Variants in MGMT observed in about 807,000 individuals in gnomAD.
MGMT encodes the protein methylated-DNA--protein-cysteine methyltransferase.
A neutral mutation model predicts 15.9 loss-of-function variants in MGMT; 14 were observed. That is an observed-to-expected ratio of 0.88 (90% CI 0.58 to 1.37). The LOEUF (loss-of-function observed/expected upper bound fraction) is 1.37. Ranked by LOEUF, MGMT falls within the 40% of genes most tolerant of loss-of-function variation. MGMT has a pLI of 0.00. For synonymous variants in MGMT, 130 were observed against 118.2 expected, an observed-to-expected ratio of 1.10 and a Z score of -0.65; for missense variants, 282 against 268.1, an observed-to-expected ratio of 1.05 and a Z score of -0.36.
intron 2 of MGMT, among the ~76,000 whole-genome samples, chr10:129,643,565 G>A (rs550611850): frequency 2.0e-5 from 3 of 152,228 alleles, no homozygotes; most frequent in East Asian, 1.9e-4. Context: ...CCAGCGGGGC[G>A]GGACAAGGAC....
In MGMT at chr10:129,492,331, C is replaced by T. The variant is rs140114109; in HGVS notation, c.-13+25035C>T. Among the ~76,000 whole-genome samples, 56 of 152,308 alleles carry T rather than the reference C, an allele frequency of 3.7e-4. No homozygotes were observed. In the East Asian group the frequency reaches 8.5e-3, roughly 23 times the overall value. On this transcript the variant is annotated intron_variant, in intron 1 of 4. Transcript: ENST00000651593. ...TTGAGCTGAGCTCTTTAGCTTCCCA[C>T]GTCCCCTGTTTCAAAGTCTCCTAAA...
At chr10:129,542,571 C>T (rs746393378) in intron 2 of MGMT, among the ~76,000 whole-genome samples, 6 of 152,120 alleles carry the variant, frequency 3.9e-5, no homozygotes, top group East Asian at 1.9e-4. Flanking sequence ...GCGGCAAGTT[C>T]GGCTGTCTCA....
At chr10:129,531,440 CT>C (rs1187338007) in intron 1 of MGMT, among the ~76,000 whole-genome samples, 15 of 152,162 alleles carry the variant, frequency 9.9e-5, no homozygotes, top group Admixed American at 9.2e-4. Context: ...TGATTTCTGC[CT>C]TTTGTGGGTC....
intron 1 of MGMT, among the ~76,000 whole-genome samples, chr10:129,530,899 C>T (rs937068999): frequency 6.6e-6 from 1 of 152,170 alleles, no homozygotes; most frequent in African/African-American, 2.4e-5. Context: ...GTGTCAGTTT[C>T]TCCATAAGCT....
At chr10:129,698,890 G>T (rs1848063048) in intron 2 of MGMT, among the ~76,000 whole-genome samples, 2 of 152,200 alleles carry the variant, frequency 1.3e-5, no homozygotes, top group African/African-American at 4.8e-5. Context: ...TTAATCAACA[G>T]TCAGGCACCG....
intron 2 of MGMT, among the ~76,000 whole-genome samples, chr10:129,667,198 T>G (rs1442492636): frequency 6.6e-6 from 1 of 152,166 alleles, no homozygotes; most frequent in Non-Finnish European, 1.5e-5. Context: ...TGCCACGTGT[T>G]TCTTCCCATC....
chr10:129,714,150 G>A (rs11016886), intron 3 of MGMT, among the ~76,000 whole-genome samples: 7,086 of 152,316 alleles, frequency 0.047, 218 homozygotes, highest in Non-Finnish European at 0.071. Flanking sequence ...TGGTTTGCCC[G>A]GGCTTTGCCT....
intron 4 of MGMT, among the ~76,000 whole-genome samples, chr10:129,765,738 G>A (rs1245539269): frequency 6.6e-6 from 1 of 152,162 alleles, no homozygotes; most frequent in Non-Finnish European, 1.5e-5. Flanking sequence ...GTCACCTGCA[G>A]GAGCCCTAAC....
chr10:129,474,353 G>T (rs189471509), intron 1 of MGMT, among the ~76,000 whole-genome samples: 3 of 152,344 alleles, frequency 2.0e-5, no homozygotes, highest in Non-Finnish European at 4.4e-5. Context: ...GTTCCAGGAG[G>T]TATAGCTGGG....
chr10:129,522,338 C>T (rs1845820548), intron 1 of MGMT, among the ~76,000 whole-genome samples: 1 of 152,198 alleles, frequency 6.6e-6, no homozygotes, highest in African/African-American at 2.4e-5. Context: ...ATGCCTTTGC[C>T]TCAGGTGGCC....
chr10:129,706,149 G>A (rs1483282422), intron 2 of MGMT, among the ~76,000 whole-genome samples: 1 of 152,190 alleles, frequency 6.6e-6, no homozygotes, highest in Non-Finnish European at 1.5e-5. Flanking sequence ...GCCCTGACAC[G>A]CACAGTCCTT....
chr10:129,633,317 C>T (rs903535426), intron 2 of MGMT, among the ~76,000 whole-genome samples: 6 of 152,162 alleles, frequency 3.9e-5, no homozygotes, highest in East Asian at 1.9e-4. Flanking sequence ...CTCACCAAAC[C>T]GAGTCAGCAT....
chr10:129,710,905 CT>C (rs1258203977), intron 3 of MGMT, among the ~76,000 whole-genome samples: 3 of 152,206 alleles, frequency 2.0e-5, no homozygotes, highest in African/African-American at 7.2e-5. Flanking sequence ...GTTTAACATA[CT>C]TTTGCATATC....
chr10:129,501,898 T>C (rs1015207549), intron 1 of MGMT, among the ~76,000 whole-genome samples: 10 of 152,204 alleles, frequency 6.6e-5, no homozygotes, highest in African/African-American at 2.4e-4. Flanking sequence ...GGCTTGGTCA[T>C]GGACTTGGTT....
chr10:129,611,719 G>A (rs1846962749), intron 2 of MGMT, among the ~76,000 whole-genome samples: 1 of 152,186 alleles, frequency 6.6e-6, no homozygotes, highest in South Asian at 2.1e-4. Flanking sequence ...GGGGGCCTAA[G>A]TCTTGGCTCC....
Position 129,719,132 on chromosome 10 carries a change from C to T in MGMT, c.274+11089C>T, listed in dbSNP as rs551110634. ...CTTCTGCTCAGGCATGTCACCTTCC[C>T]GAGGTGCCCAGAGCTGGTCTGTGTG... On this transcript the variant is annotated intron_variant, in intron 3 of 4. Coordinates refer to ENST00000651593, the MANE Select transcript of MGMT (RefSeq NM_002412.5). 6.0e-5 allele frequency among the ~76,000 whole-genome samples: 9 copies of T among 149,556 alleles called. No individual in the cohort carries two copies. In the East Asian group the frequency reaches 6.0e-4, roughly 10 times the overall value.
chr10:129,580,768 A>G (rs1160333463), intron 2 of MGMT, among the ~76,000 whole-genome samples: 1 of 152,222 alleles, frequency 6.6e-6, no homozygotes. Flanking sequence ...CCATAACCAC[A>G]GACACCCCAC....
At position 129,574,878 on chromosome 10, in the gene MGMT, C is replaced by T. The variant is rs188180462; in HGVS notation, c.125+38501C>T. On this transcript the variant is annotated intron_variant, in intron 2 of 4. Coordinates refer to ENST00000651593, the MANE Select transcript of MGMT (RefSeq NM_002412.5). The stretch of plus-strand genomic sequence containing the variant: ...TCTCTTATTTCTGTCAGATCTCTTA[C>T]ATCTAATATTCTCATTCCCAGCAGA... Among the ~76,000 whole-genome samples, 609 of 152,264 alleles carry T rather than the reference C, an allele frequency of 4.0e-3. 4 individuals carry two copies. The highest frequency in any genetic ancestry group is 0.014 in the African/African-American group (578 of 41,542).
intron 2 of MGMT, among the ~76,000 whole-genome samples, chr10:129,561,825 T>TA (rs150464656): frequency 8.1e-4 from 123 of 152,368 alleles, no homozygotes; most frequent in African/African-American, 2.9e-3. Flanking sequence ...TACATTTGCT[T>TA]ATGATTAAAA....
Sources: gnomAD v4.1 joint callset for allele counts (sites outside exome capture counted in the v4.1 genomes callset) on GRCh38, gnomAD v4.1.1 for gene constraint, MANE v1.5 for transcripts, NCBI Gene and HGNC (gene_info 2026-07-23, HGNC 2026-07-21) for gene names.